Variants in FOXN3 observed in about 807,000 individuals in gnomAD.
FOXN3 encodes forkhead box N3, also known as forkhead box protein N3.
In FOXN3, 7 loss-of-function variants were observed where a neutral mutation model predicts 38.4. The observed-to-expected ratio is 0.18, with a 90% CI of 0.10 to 0.34. The LOEUF is 0.34. Ranked by LOEUF, FOXN3 falls within the 10% of genes least tolerant of loss-of-function variation. The probability of loss-of-function intolerance (pLI) is 1.00; values close to 1 mark genes in which losing one functional copy is unlikely to be tolerated. For missense variants in FOXN3, 456 were observed against 613.4 expected, an observed-to-expected ratio of 0.74 and a Z score of 2.71; for synonymous variants, 230 against 242.2, an observed-to-expected ratio of 0.95 and a Z score of 0.47.
At chr14:89,533,075 A>C (rs1894605632) in intron 1 of FOXN3, among the ~76,000 whole-genome samples, 1 of 152,224 alleles carries the variant, frequency 6.6e-6, no homozygotes, top group South Asian at 2.1e-4. Flanking sequence ...GTATATAAAA[A>C]TTAGTATCTA....
chr14:89,234,964 G>A (rs1009234059), intron 4 of FOXN3, among the ~76,000 whole-genome samples: 2 of 152,104 alleles, frequency 1.3e-5, no homozygotes, highest in Non-Finnish European at 2.9e-5. Context: ...AATTCCCGCA[G>A]CAAGAAATGA....
intron 1 of FOXN3, among the ~76,000 whole-genome samples, chr14:89,555,881 GGGGGTGTATGT>G (rs1895111473): frequency 8.7e-6 from 1 of 115,452 alleles, no homozygotes; most frequent in African/African-American, 2.7e-5. Context: ...GTGTGTATGT[GGGGGTGTATGT>G]GGGGGTGTGT....
intron 3 of FOXN3, among the ~76,000 whole-genome samples, chr14:89,338,311 G>A (rs969831908): frequency 3.3e-5 from 5 of 152,308 alleles, no homozygotes; most frequent in Admixed American, 3.3e-4. Flanking sequence ...TATAATCTAT[G>A]CTATGCATTC....
At chr14:89,387,841 C>T (rs1440900285) in intron 2 of FOXN3, among the ~76,000 whole-genome samples, 3 of 152,148 alleles carry the variant, frequency 2.0e-5, no homozygotes, top group Non-Finnish European at 4.4e-5. Flanking sequence ...GGCAGGCACC[C>T]ACCTGCGTCT....
At chr14:89,571,275 G>A (rs1372063038) in intron 1 of FOXN3, among the ~76,000 whole-genome samples, 1 of 152,148 alleles carries the variant, frequency 6.6e-6, no homozygotes, top group African/African-American at 2.4e-5. Flanking sequence ...TTGGGAAGCC[G>A]AGGTGGGTGG....
In FOXN3 at chr14:89,180,613, CCT is replaced by C. The variant is rs1287443253; in HGVS notation, c.851+86_851+87del. ...TTGCTGTCACTAGTTCGAAGCAGCTCCTCTCTGTCTCCAGAAGGGACCCCGTG... is the reference window on the plus strand; with the variant it reads ...TTGCTGTCACTAGTTCGAAGCAGCTCCTCTGTCTCCAGAAGGGACCCCGTG... On this transcript the variant is annotated intron_variant, in intron 5 of 5. Transcript: ENST00000557258. 11 of 921,072 alleles carry C rather than the reference CCT, an allele frequency of 1.2e-5. No homozygotes were observed. The African/African-American group carries it at 1.5e-4, about 13-fold the overall frequency. The allele number at this position is 921,072 out of a possible 1,614,324, so 57.1% of individuals were successfully genotyped here.
chr14:89,522,764 T>TA lies in FOXN3; in HGVS notation c.-15+96263dup, dbSNP rs554732338. 9.6e-3 allele frequency among the ~76,000 whole-genome samples: 1,295 copies of TA among 134,956 alleles called. 14 individuals carry two copies. The highest frequency in any genetic ancestry group is 0.033 in the African/African-American group (1,196 of 36,516). The allele number at this position is 134,956 out of a possible 152,430, so 88.5% of individuals were successfully genotyped here. A position where few individuals can be genotyped will look rare whatever the true frequency, so the allele number is the denominator to read the frequency against. On this transcript the variant is annotated intron_variant, in intron 1 of 6. Transcript: ENST00000345097. ...ATTAAAGTAAACAAAGGAGATAAAG[T>TA]AAAAAAAAAGAATACTCAATCCAAA...
chr14:89,164,021 C>T lies in FOXN3; in HGVS notation c.852-1052G>A, dbSNP rs986834366. Reference sequence around the variant, plus strand: ...ATGTACTTTCCTTGTGCTTCCTTATCGCGAAAGTGGGAATAGTAACTACAC... The same window carrying T: ...ATGTACTTTCCTTGTGCTTCCTTATTGCGAAAGTGGGAATAGTAACTACAC... On this transcript the variant is annotated intron_variant, in intron 5 of 5. Coordinates refer to ENST00000557258, the MANE Select transcript of FOXN3 (RefSeq NM_005197.4). This position sits in a 1 kb window ranked among gnomAD's most constrained non-coding sequence, Gnocchi z 4.3. Among the ~76,000 whole-genome samples the T allele has an allele frequency of 3.9e-5, 6 of 152,192 alleles. No homozygotes were observed. The highest frequency in any genetic ancestry group is 1.3e-4 in the Admixed American group (2 of 15,280).
intron 1 of FOXN3, among the ~76,000 whole-genome samples, chr14:89,425,656 C>T (rs549792352): frequency 5.3e-4 from 81 of 152,264 alleles, no homozygotes; most frequent in African/African-American, 1.6e-3. Flanking sequence ...TGAGCCACCG[C>T]GCCCAGCCTA....
At chr14:89,219,463 C>T (rs1329819425) in intron 4 of FOXN3, among the ~76,000 whole-genome samples, 2 of 152,188 alleles carry the variant, frequency 1.3e-5, no homozygotes, top group Non-Finnish European at 2.9e-5. Flanking sequence ...CTCAGAGCTT[C>T]TAACTTTGTG....
At chr14:89,521,740 G>T (rs1459929675) in intron 1 of FOXN3, among the ~76,000 whole-genome samples, 1 of 151,826 alleles carries the variant, frequency 6.6e-6, no homozygotes, top group Non-Finnish European at 1.5e-5. Context: ...AAAAATTAAA[G>T]ATCAAAACAA....
At chr14:89,377,809 G>A (rs1328877298) in intron 2 of FOXN3, among the ~76,000 whole-genome samples, 1 of 152,166 alleles carries the variant, frequency 6.6e-6, no homozygotes, top group African/African-American at 2.4e-5. Flanking sequence ...TCAGAATGTG[G>A]CTCTATTTTA....
chr14:89,480,409 A>C (rs1486722204), intron 1 of FOXN3, among the ~76,000 whole-genome samples: 2 of 152,132 alleles, frequency 1.3e-5, no homozygotes, highest in African/African-American at 2.4e-5. Context: ...ATCTCAAAAA[A>C]AAAAAAATGG....
chr14:89,253,251 G>A (rs1471574800), intron 4 of FOXN3, among the ~76,000 whole-genome samples: 1 of 152,198 alleles, frequency 6.6e-6, no homozygotes, highest in Non-Finnish European at 1.5e-5. Context: ...AGTGCTCACC[G>A]GCATCGCGGA....
intron 4 of FOXN3, chr14:89,263,526 T>C (rs1421130744): frequency 1.3e-5 from 2 of 152,188 alleles, no homozygotes; most frequent in African/African-American, 2.4e-5. Flanking sequence ...TCTTGTTACT[T>C]TGTGTTTCGC....
At chr14:89,456,194 CAAA>C (rs10550227) in intron 1 of FOXN3, among the ~76,000 whole-genome samples, 30 of 105,824 alleles carry the variant, frequency 2.8e-4, no homozygotes, top group East Asian at 3.5e-4. Flanking sequence ...ACTCAGTCTC[CAAA>C]AAAAAAAAAA....
At position 89,358,712 on chromosome 14, in the gene FOXN3, C is replaced by T. The variant is rs140442277; in HGVS notation, c.544-7904G>A. 2.0e-3 allele frequency among the ~76,000 whole-genome samples: 307 copies of T among 152,344 alleles called. 1 individual carries two copies. Among genetic ancestry groups the T allele is most frequent in the Middle Eastern group, 0.014 (4 of 294 alleles). On this transcript the variant is annotated intron_variant, in intron 2 of 5. Coordinates refer to ENST00000557258, the MANE Select transcript of FOXN3 (RefSeq NM_005197.4). Reference sequence around the variant, plus strand: ...CAACTCCTTCACAGTTTCAACACAGCCAGCTTTCTGTTCTAGGCCAGTACC... The same window carrying T: ...CAACTCCTTCACAGTTTCAACACAGTCAGCTTTCTGTTCTAGGCCAGTACC...
intron 4 of FOXN3, among the ~76,000 whole-genome samples, chr14:89,211,753 T>G (rs1884099293): frequency 6.6e-6 from 1 of 152,194 alleles, no homozygotes; most frequent in Non-Finnish European, 1.5e-5. Context: ...CAGAACGAAA[T>G]TCTCTCCCCT....
intron 4 of FOXN3, among the ~76,000 whole-genome samples, chr14:89,253,365 T>C (rs961278044): frequency 6.6e-6 from 1 of 152,202 alleles, no homozygotes; most frequent in Non-Finnish European, 1.5e-5. Context: ...CCAGCACGTC[T>C]TTGCATGGCC....
Sources: allele counts gnomAD v4.1 joint callset (sites outside exome capture counted in the v4.1 genomes callset), GRCh38; gene constraint gnomAD v4.1.1; non-coding constraint Gnocchi (gnomAD v3.1); transcripts MANE v1.5; gene names NCBI Gene and HGNC (gene_info 2026-07-23, HGNC 2026-07-21).